Variants in MYH10 observed in about 807,000 individuals in gnomAD.
MYH10 encodes myosin heavy chain 10.
A neutral mutation model predicts 257.8 loss-of-function variants in MYH10; 55 were observed. The ratio of observed to expected loss-of-function variants is 0.21; its 90% CI spans 0.17 to 0.27. MYH10 has a LOEUF of 0.27. Ranked by LOEUF, MYH10 falls within the 10% of genes least tolerant of loss-of-function variation. The probability of loss-of-function intolerance (pLI) is 1.00; values close to 1 mark genes in which losing one functional copy is unlikely to be tolerated. For missense variants in MYH10, 1,631 were observed against 2,500.6 expected (o/e 0.65, Z 7.42); for synonymous variants, 854 against 921.7 (o/e 0.93, Z 1.33).
intron 23 of MYH10, 107 bp downstream of exon 23, chr17:8,513,431 A>G (rs2081362723): frequency 6.8e-7 from 1 of 1,471,588 alleles, no homozygotes; most frequent in Non-Finnish European, 9.0e-7. Flanking sequence ...AAATAAGATG[A>G]TATGGTGGGT....
At chr17:8,527,498 T>C (rs777399332) in intron 17 of MYH10, among the ~76,000 whole-genome samples, 6 of 152,248 alleles carry the variant, frequency 3.9e-5, no homozygotes, top group Non-Finnish European at 7.3e-5. Context: ...CAACTCATGC[T>C]GAGACTGGGC....
intron 9 of MYH10, among the ~76,000 whole-genome samples, chr17:8,549,019 C>G (rs2082534730): frequency 6.6e-6 from 1 of 152,156 alleles, no homozygotes; most frequent in Admixed American, 6.5e-5. Context: ...AAAACCTTAA[C>G]AGGAGTTTTG....
At chr17:8,573,966 G>A (rs1217940435) in intron 6 of MYH10, 3 of 240,684 alleles carry the variant, frequency 1.2e-5, no homozygotes, top group Non-Finnish European at 2.0e-5. Context: ...AATGTCAAAT[G>A]GTGCAGTCTC....
chr17:8,622,809 G>T, intron 2 of MYH10, 93 bp downstream of exon 2: 1 of 1,346,064 alleles, frequency 7.4e-7, no homozygotes, highest in Non-Finnish European at 1.0e-6. Flanking sequence ...GAGAGTTTGG[G>T]TATTCCACAT....
intron 16 of MYH10, among the ~76,000 whole-genome samples, chr17:8,534,428 C>T (rs2082085781): frequency 6.6e-6 from 1 of 152,204 alleles, no homozygotes; most frequent in South Asian, 2.1e-4. Context: ...TGGACACAGT[C>T]ATTCTTAAGA....
At chr17:8,538,454 C>T (rs2082204938) in intron 14 of MYH10, among the ~76,000 whole-genome samples, 1 of 152,232 alleles carries the variant, frequency 6.6e-6, no homozygotes, top group African/African-American at 2.4e-5. Context: ...AAGTGATCTG[C>T]CCGCCTTGGC....
At chr17:8,518,047 T>C (rs1029399112) in intron 21 of MYH10, among the ~76,000 whole-genome samples, 10 of 149,336 alleles carry the variant, frequency 6.7e-5, no homozygotes, top group African/African-American at 2.2e-4. Flanking sequence ...TGTGTGTGTG[T>C]GTGAGAAGCA....
rs780340313 is a variant in MYH10 at position 8,542,149 on chromosome 17, G to A, written c.1563C>T (p.Phe521=). The change falls in exon 14 of 43, where the codon TTC becomes TTT. Residue 521 remains phenylalanine (F), a synonymous_variant. Transcript: ENST00000360416. ...CGATGCATGGCTGCAGATCCAGCCC[G>A]AAATCGATGAAGTTCCACTCGATGC... ...REGIEWNFID[F]GLDLQPCIDL... is the part of the protein sequence containing the mutation. The A allele has an allele frequency of 1.8e-5, 29 of 1,614,032 alleles. No homozygotes were observed. The highest frequency in any genetic ancestry group is 3.3e-5 in the South Asian group (3 of 91,070).
chr17:8,522,679 G>C (rs2081694816), intron 17 of MYH10, among the ~76,000 whole-genome samples: 1 of 152,152 alleles, frequency 6.6e-6, no homozygotes, highest in Non-Finnish European at 1.5e-5. Context: ...TCTCTTGTCA[G>C]AGCCACGCTT....
intron 21 of MYH10, among the ~76,000 whole-genome samples, chr17:8,518,149 T>TCTC (rs1555583009): frequency 1.2e-5 from 1 of 81,264 alleles, no homozygotes; most frequent in African/African-American, 4.6e-5. Context: ...GTGTGTGTGT[T>TCTC]TGAGATAGGG....
rs181717330 is a variant in MYH10, at chr17:8,566,695, A to T, written c.756+3025T>A. Among the ~76,000 whole-genome samples, 56 of 152,376 alleles carry T rather than the reference A, an allele frequency of 3.7e-4. 1 individual carries two copies. In the East Asian group the frequency reaches 0.01, roughly 27 times the overall value. On this transcript the variant is annotated intron_variant, in intron 7 of 42. Coordinates refer to ENST00000360416, the MANE Select transcript of MYH10 (RefSeq NM_001256012.3). ...GCTAAGCTGCTACTGACTTTCTGAC[A>T]CACAGAAACCATGAGATAATCGATG...
intron 12 of MYH10, 112 bp downstream of exon 12, chr17:8,546,432 C>A: frequency 1.3e-6 from 1 of 790,122 alleles, no homozygotes; most frequent in Non-Finnish European, 2.0e-6. Context: ...CCTAAAAACA[C>A]CCATGTAAGA....
At chr17:8,618,895 A>G (rs1268555830) in intron 2 of MYH10, among the ~76,000 whole-genome samples, 1 of 152,254 alleles carries the variant, frequency 6.6e-6, no homozygotes, top group East Asian at 1.9e-4. Flanking sequence ...CTCAAATTTT[A>G]CCATTGGCAA....
At position 8,475,687 on chromosome 17, in the gene MYH10, A is replaced by T; in HGVS notation, c.*117T>A. The T allele has an allele frequency of 8.0e-7, 1 of 1,257,104 alleles. No homozygotes were observed. The highest frequency in any genetic ancestry group is 1.1e-6 in the Non-Finnish European group (1 of 893,958). The allele number at this position is 1,257,104 out of a possible 1,614,324, so 77.9% of individuals were successfully genotyped here. A position where few individuals can be genotyped will look rare whatever the true frequency, so the allele number is the denominator to read the frequency against. On this transcript the variant is annotated 3_prime_UTR_variant, in exon 43 of 43. Transcript: ENST00000360416. ...TATGCATAGGCTGGAGAGCCTTAAG[A>T]CACAGTTGATCTTTCAGGAAGGAAT...
In MYH10 at chr17:8,604,940, T is replaced by G. The variant is rs767689816; in HGVS notation, c.388A>C (p.Asn130His). The change falls in exon 3 of 43, where the codon AAT becomes CAT. Residue 130 changes from asparagine (N) to histidine (H), a missense_variant. Physicochemically the swap from Asn to His is moderately conservative, Grantham distance 68. Around this residue, in one of 11 missense-constraint regions of MYH10, gnomAD observed 360 missense variants for 581.9 expected, o/e 0.62. Transcript: ENST00000360416. ...LFCVVINPYK[N>H]LPIYSENIIE... ...ATATTCTCAGAGTAAATTGGAAGAT[T>G]CTTGTAAGGGTTTATAACTACACAG... 46 of 1,578,330 alleles carry G rather than the reference T, an allele frequency of 2.9e-5. No individual in the cohort carries two copies. The highest frequency in any genetic ancestry group is 3.6e-5 in the Non-Finnish European group (41 of 1,150,410).
At chr17:8,561,304 CTG>C in intron 7 of MYH10, 1 of 1,086,416 alleles carries the variant, frequency 9.2e-7, no homozygotes, top group Non-Finnish European at 1.4e-6. Flanking sequence ...GCTGCACTAA[CTG>C]TGCCCGATGC....
At chr17:8,519,348 G>A (rs1281074666) in intron 19 of MYH10, among the ~76,000 whole-genome samples, 1 of 152,186 alleles carries the variant, frequency 6.6e-6, no homozygotes, top group African/African-American at 2.4e-5. Context: ...AGGAAGGGCT[G>A]TAAGAGCTGT....
chr17:8,607,979 T>C (rs2084876028), intron 2 of MYH10, among the ~76,000 whole-genome samples: 2 of 152,084 alleles, frequency 1.3e-5, no homozygotes, highest in Non-Finnish European at 2.9e-5. Flanking sequence ...TTTTAAAGAC[T>C]ATGGGGTCAA....
chr17:8,575,073 A>G lies in MYH10; in HGVS notation c.663+1570T>C, dbSNP rs114730155. Among the ~76,000 whole-genome samples the G allele has an allele frequency of 2.8e-3, 430 of 152,368 alleles. 1 individual carries two copies. Among genetic ancestry groups the G allele is most frequent in the African/African-American group, 0.01 (422 of 41,580 alleles). ...ACTGAAGATTGTGTGCACAGTGGACACATGCAGTACGACATGCAAATCGGC... is the reference window on the plus strand; with the variant it reads ...ACTGAAGATTGTGTGCACAGTGGACGCATGCAGTACGACATGCAAATCGGC... On this transcript the variant is annotated intron_variant, in intron 6 of 42. Transcript: ENST00000360416.
Sources: allele counts gnomAD v4.1 joint callset (sites outside exome capture counted in the v4.1 genomes callset), GRCh38; gene constraint gnomAD v4.1.1; regional missense constraint gnomAD v4.1.1; transcripts MANE v1.5; gene names NCBI Gene and HGNC (gene_info 2026-07-23, HGNC 2026-07-21).